Variants in URGCP observed in about 807,000 individuals in gnomAD.
URGCP encodes up-regulator of cell proliferation.
In URGCP, 13 loss-of-function variants were observed where a neutral mutation model predicts 24.6. The ratio of observed to expected loss-of-function variants is 0.53; its 90% CI spans 0.34 to 0.84. The LOEUF (loss-of-function observed/expected upper bound fraction) is 0.84. Among genes scored for constraint, URGCP ranks in the 40% least tolerant of loss-of-function variants. The pLI is 0.01. For synonymous variants in URGCP, 444 were observed against 487.2 expected (o/e 0.91, Z 1.17); for missense variants, 899 against 1,194.3 (o/e 0.75, Z 3.64).
At chr7:43,893,599 A>G (rs900968724) in intron 1 of URGCP, among the ~76,000 whole-genome samples, 1 of 152,066 alleles carries the variant, frequency 6.6e-6, no homozygotes, top group Non-Finnish European at 1.5e-5. Flanking sequence ...GGCTGGGTGC[A>G]GTGGCTCACG....
chr7:43,915,748 C>A (rs894078059), intron 1 of URGCP, among the ~76,000 whole-genome samples: 5 of 152,254 alleles, frequency 3.3e-5, no homozygotes, highest in Non-Finnish European at 7.3e-5. Context: ...ATGGCTCATG[C>A]CTGTAATCCC....
chr7:43,919,441 A>G (rs540448953), intron 1 of URGCP: 2 of 926,828 alleles, frequency 2.2e-6, no homozygotes, highest in Non-Finnish European at 3.6e-6. Flanking sequence ...TACCCCAGCT[A>G]CATGGACAAT....
At position 43,917,630 on chromosome 7, in the gene URGCP, C is replaced by T. The variant is rs140948340; in HGVS notation, c.-116+8502G>A. On this transcript the variant is annotated intron_variant, in intron 1 of 5. Coordinates refer to the URGCP transcript ENST00000426198. Reference sequence around the variant, plus strand: ...GATTCTCTTCCCCTTCATGAACCACCTTAAATTTTCCTTTCTCTGAACACC... The same window carrying T: ...GATTCTCTTCCCCTTCATGAACCACTTTAAATTTTCCTTTCTCTGAACACC... 6.7e-4 allele frequency among the ~76,000 whole-genome samples: 102 copies of T among 152,236 alleles called. 2 individuals are homozygous for T. Among genetic ancestry groups the T allele is most frequent in the African/African-American group, 2.4e-3 (99 of 41,544 alleles).
intron 1 of URGCP, among the ~76,000 whole-genome samples, chr7:43,923,658 GC>G (rs1433425564): frequency 6.6e-6 from 1 of 151,962 alleles, no homozygotes; most frequent in Non-Finnish European, 1.5e-5. Flanking sequence ...CACATCTTTT[GC>G]CCAGTTTTTA....
chr7:43,877,531 G>C lies in URGCP; in HGVS notation c.1932C>G (p.Ala644=). ...GRLPAGQRRF[A]HFPGLASELL... Reference sequence around the variant, plus strand: ...GCTCCGAGGCCAAGCCTGGGAAGTGGGCAAAACGCCTCTGGCCTGCCGGCA... The same window carrying C: ...GCTCCGAGGCCAAGCCTGGGAAGTGCGCAAAACGCCTCTGGCCTGCCGGCA... The change falls in exon 6 of 6, where the codon GCC becomes GCG. Residue 644 remains alanine, a synonymous_variant. Transcript: ENST00000453200. 6.2e-7 allele frequency: 1 copy of C among 1,613,260 alleles called. No homozygotes were observed. The highest frequency in any genetic ancestry group is 8.5e-7 in the Non-Finnish European group (1 of 1,180,028).
Position 43,876,719 on chromosome 7 carries a change from G to C in URGCP, c.2744C>G (p.Ser915Trp). ...CTGCTGGATGTTTTTGTTTTGGTTCGACAAGCCGTTCCTGATGTTTTCGAG... is the reference window on the plus strand; with the variant it reads ...CTGCTGGATGTTTTTGTTTTGGTTCCACAAGCCGTTCCTGATGTTTTCGAG... ...CLLENIRNGLSNQNKNIQQLI... is the reference protein window; with the variant it reads ...CLLENIRNGLWNQNKNIQQLI... Residue 915 changes from serine to tryptophan, a missense_variant, in exon 6 of 6, where the codon TCG becomes TGG. Coordinates refer to ENST00000453200, the MANE Select transcript of URGCP (RefSeq NM_001077663.3). The C allele has an allele frequency of 6.2e-7, 1 of 1,614,176 alleles. No homozygotes were observed. Among genetic ancestry groups the C allele is most frequent in the Non-Finnish European group, 8.5e-7 (1 of 1,180,046 alleles).
rs756331983 is a variant in URGCP at position 43,878,496 on chromosome 7, C to G, written c.967G>C (p.Glu323Gln). ...GGTTCTGGGAAAATGTCCAAGTCCTCCCTTCCGCTGGGAAAAAACCAGGAA... is the reference window on the plus strand; with the variant it reads ...GGTTCTGGGAAAATGTCCAAGTCCTGCCTTCCGCTGGGAAAAAACCAGGAA... ...EISWFFPSGR[E>Q]DLDIFPEPVA... The change falls in exon 6 of 6, where the codon GAG (glutamate) becomes CAG (glutamine). Residue 323 changes from glutamate to glutamine, a missense_variant. Physicochemically the swap from Glu to Gln is conservative, Grantham distance 29 (BLOSUM62 2). Transcript: ENST00000453200. This position sits in a 1 kb window ranked among gnomAD's most constrained non-coding sequence, Gnocchi z 5.6. 1 of 1,614,212 alleles carries G rather than the reference C, an allele frequency of 6.2e-7. No individual in the cohort carries two copies. Among genetic ancestry groups the G allele is most frequent in the Admixed American group, 1.7e-5 (1 of 60,024 alleles).
intron 1 of URGCP, among the ~76,000 whole-genome samples, chr7:43,920,532 C>T (rs1006368861): frequency 2.0e-5 from 3 of 152,148 alleles, no homozygotes; most frequent in African/African-American, 2.4e-5. Flanking sequence ...CATTGCACAA[C>T]GGCCTGGGCA....
intron 1 of URGCP, chr7:43,919,960 T>G: frequency 7.4e-7 from 1 of 1,350,830 alleles, no homozygotes; most frequent in Non-Finnish European, 1.1e-6. Flanking sequence ...TTTGATGAGA[T>G]GGACACAACA....
chr7:43,921,324 T>C (rs2095922176), intron 1 of URGCP, among the ~76,000 whole-genome samples: 1 of 128,326 alleles, frequency 7.8e-6, no homozygotes, highest in Middle Eastern at 3.6e-3. Flanking sequence ...AGACTCCGTC[T>C]CAAAAAAAAA....
Position 43,878,600 on chromosome 7 carries a change from C to T in URGCP, c.863G>A (p.Arg288Lys). The change falls in exon 6 of 6, where the codon AGG becomes AAG. Residue 288 changes from arginine to lysine, a missense_variant. Arg to Lys is a conservative substitution (Grantham distance 26). Transcript: ENST00000453200. The surrounding 1 kb of genome is among the most constrained non-coding windows in gnomAD (Gnocchi z 5.6). Reference protein sequence around the residue: ...LLNAVLSPGHRQWDCFWHRDL... With the variant: ...LLNAVLSPGHKQWDCFWHRDL... ...CCGATGCCAGAAGCAGTCCCACTGC[C>T]TGTGGCCCGGGCTGAGGACGGCGTT... 6.2e-7 allele frequency: 1 copy of T among 1,614,072 alleles called. No individual in the cohort carries two copies. Among genetic ancestry groups the T allele is most frequent in the Non-Finnish European group, 8.5e-7 (1 of 1,180,052 alleles).
intron 1 of URGCP, among the ~76,000 whole-genome samples, chr7:43,921,579 T>C (rs2132733190): frequency 6.6e-6 from 1 of 152,348 alleles, no homozygotes; most frequent in South Asian, 2.1e-4. Flanking sequence ...CTTTGGACTT[T>C]GAGAACTGTT....
intron 3 of URGCP, among the ~76,000 whole-genome samples, chr7:43,885,204 G>T (rs967421279): frequency 6.6e-5 from 10 of 151,786 alleles, no homozygotes; most frequent in Middle Eastern, 3.4e-3. Context: ...AGGTTCGAGC[G>T]ATTCTCCTGC....
intron 1 of URGCP, among the ~76,000 whole-genome samples, chr7:43,902,630 A>G (rs559975366): frequency 4.1e-4 from 63 of 152,346 alleles, no homozygotes; most frequent in Non-Finnish European, 7.8e-4. Context: ...TTCTATCTTT[A>G]AAGACCGGGT....
intron 1 of URGCP, among the ~76,000 whole-genome samples, chr7:43,901,431 C>T (rs372339859): frequency 3.3e-5 from 5 of 152,180 alleles, no homozygotes; most frequent in Admixed American, 6.5e-5. Flanking sequence ...CTAGTTCTCC[C>T]GTACGTCCAG....
intron 1 of URGCP, among the ~76,000 whole-genome samples, chr7:43,902,355 G>A (rs1023166878): frequency 6.6e-6 from 1 of 152,074 alleles, no homozygotes; most frequent in African/African-American, 2.4e-5. Context: ...CCACTACCAT[G>A]AGTCCCACCT....
chr7:43,891,645 C>T (rs1241382562), intron 1 of URGCP, among the ~76,000 whole-genome samples: 2 of 152,316 alleles, frequency 1.3e-5, no homozygotes, highest in East Asian at 3.8e-4. Flanking sequence ...CACAGCAAGC[C>T]TTTGTCTCCT....
intron 1 of URGCP, chr7:43,919,299 G>A (rs1562591295): frequency 2.4e-6 from 2 of 825,668 alleles, no homozygotes. Context: ...CGCAGACTGT[G>A]TGGTGGTGCT....
chr7:43,920,313 G>A (rs138087969), intron 1 of URGCP, among the ~76,000 whole-genome samples: 14 of 152,264 alleles, frequency 9.2e-5, no homozygotes, highest in Admixed American at 5.2e-4. Context: ...CAATCCCAGC[G>A]CTTTGGGAGG....
Sources: allele counts gnomAD v4.1 joint callset (sites outside exome capture counted in the v4.1 genomes callset), GRCh38; gene constraint gnomAD v4.1.1; non-coding constraint Gnocchi (gnomAD v3.1); transcripts MANE v1.5; gene names NCBI Gene and HGNC (gene_info 2026-07-23, HGNC 2026-07-21).